KIAA1958: variants seen among roughly 807,000 people sequenced by gnomAD.
KIAA1958 encodes KIAA1958.
In KIAA1958, 14 loss-of-function variants were observed where a neutral mutation model predicts 47.2. The ratio of observed to expected loss-of-function variants is 0.30; its 90% CI spans 0.20 to 0.46. The LOEUF is 0.46. Among genes scored for constraint, KIAA1958 ranks in the 20% least tolerant of loss-of-function variants. The pLI, the probability that KIAA1958 is intolerant of heterozygous loss-of-function variation, is 1.00. For synonymous variants in KIAA1958, 354 were observed against 353.3 expected (o/e 1.00, Z -0.02); for missense variants, 803 against 909.2 (o/e 0.88, Z 1.50).
At chr9:112,628,006 A>G (rs966448376) in intron 2 of KIAA1958, among the ~76,000 whole-genome samples, 4 of 152,306 alleles carry the variant, frequency 2.6e-5, no homozygotes, top group Non-Finnish European at 5.9e-5. Flanking sequence ...TATTGACTCT[A>G]CTACACATTG....
Position 112,620,272 on chromosome 9 carries a change from CA to C in KIAA1958, c.1172-25376del, listed in dbSNP as rs148989296. On this transcript the variant is annotated intron_variant, in intron 2 of 3. Coordinates refer to ENST00000337530, the MANE Select transcript of KIAA1958 (RefSeq NM_133465.4). ...CTAGGTTCCTATTCTGTATAATCAG[CA>C]ACACACAGAAACTCCAAATCTTGAT... Among the ~76,000 whole-genome samples the C allele has an allele frequency of 7.6e-4, 115 of 152,312 alleles. No individual in the cohort carries two copies. The East Asian group carries it at 0.019, about 26-fold the overall frequency.
intron 1 of KIAA1958, among the ~76,000 whole-genome samples, chr9:112,555,846 G>T (rs1322966004): frequency 6.6e-6 from 1 of 152,134 alleles, no homozygotes; most frequent in African/African-American, 2.4e-5. Flanking sequence ...AGGCCAAGGC[G>T]GGCAGATCAC....
At chr9:112,633,803 C>T (rs933964682) in intron 2 of KIAA1958, among the ~76,000 whole-genome samples, 20 of 152,112 alleles carry the variant, frequency 1.3e-4, no homozygotes, top group African/African-American at 4.6e-4. Context: ...TCCAGTAGTC[C>T]ACTCCTTGTC....
chr9:112,640,131 T>C (rs1448886993), intron 2 of KIAA1958, among the ~76,000 whole-genome samples: 1 of 152,228 alleles, frequency 6.6e-6, no homozygotes, highest in Admixed American at 6.5e-5. Flanking sequence ...CTGACCACTG[T>C]GTATGAAAAC....
intron 3 of KIAA1958, among the ~76,000 whole-genome samples, chr9:112,654,012 T>TAAAATA (rs1837107425): frequency 6.6e-6 from 1 of 152,194 alleles, no homozygotes; most frequent in Non-Finnish European, 1.5e-5. Flanking sequence ...GTCACGTGGC[T>TAAAATA]AGCCCAGATT....
intron 2 of KIAA1958, among the ~76,000 whole-genome samples, chr9:112,643,138 A>G (rs550589106): frequency 6.6e-6 from 1 of 152,338 alleles, no homozygotes; most frequent in Admixed American, 6.5e-5. Context: ...TCATAAGCAC[A>G]AGCTAGTATC....
chr9:112,568,116 A>G (rs1301428403), intron 1 of KIAA1958, among the ~76,000 whole-genome samples: 1 of 152,184 alleles, frequency 6.6e-6, no homozygotes, highest in Non-Finnish European at 1.5e-5. Flanking sequence ...TAAAATAGGC[A>G]ATATTAGCAT....
intron 2 of KIAA1958, among the ~76,000 whole-genome samples, chr9:112,616,298 GT>G (rs1836407075): frequency 6.6e-6 from 1 of 152,176 alleles, no homozygotes; most frequent in South Asian, 2.1e-4. Context: ...TAGCTAACTA[GT>G]TTTGTGAATT....
At chr9:112,539,265 T>C (rs1408096554) in intron 1 of KIAA1958, among the ~76,000 whole-genome samples, 1 of 152,186 alleles carries the variant, frequency 6.6e-6, no homozygotes, top group Non-Finnish European at 1.5e-5. Flanking sequence ...AGTAGCATTA[T>C]TGATAACAGA....
At chr9:112,489,810 G>C (rs537589442) in intron 1 of KIAA1958, among the ~76,000 whole-genome samples, 1 of 152,228 alleles carries the variant, frequency 6.6e-6, no homozygotes, top group East Asian at 1.9e-4. Context: ...AAAATCCATG[G>C]ACTTTTCTAG....
intron 1 of KIAA1958, among the ~76,000 whole-genome samples, chr9:112,518,897 G>GT (rs1834487489): frequency 6.6e-6 from 1 of 151,788 alleles, no homozygotes. Context: ...TTATTGACTG[G>GT]TTTTTGGAAC....
chr9:112,611,901 A>C (rs1271132724), intron 2 of KIAA1958, among the ~76,000 whole-genome samples: 1 of 152,100 alleles, frequency 6.6e-6, no homozygotes, highest in African/African-American at 2.4e-5. Context: ...AGTTAATGGA[A>C]TAGAATTAAA....
At chr9:112,505,906 C>A (rs1303433998) in intron 1 of KIAA1958, among the ~76,000 whole-genome samples, 1 of 152,202 alleles carries the variant, frequency 6.6e-6, no homozygotes, top group African/African-American at 2.4e-5. Flanking sequence ...AGCTGACAAA[C>A]AGCAGTGAGG....
At chr9:112,589,697 C>T (rs1216355833) in intron 2 of KIAA1958, among the ~76,000 whole-genome samples, 2 of 152,164 alleles carry the variant, frequency 1.3e-5, no homozygotes, top group African/African-American at 4.8e-5. Context: ...AAAAGTAGGA[C>T]GGAACAAGTT....
chr9:112,521,961 C>CTTTATTTATGTATTTA (rs1554721015), intron 1 of KIAA1958, among the ~76,000 whole-genome samples: 3 of 146,542 alleles, frequency 2.0e-5, no homozygotes, highest in African/African-American at 7.5e-5. Flanking sequence ...TTTTAAATAA[C>CTTTATTTATGTATTTA]TTTATTTATT....
At chr9:112,606,780 A>G (rs923236580) in intron 2 of KIAA1958, among the ~76,000 whole-genome samples, 1 of 152,198 alleles carries the variant, frequency 6.6e-6, no homozygotes, top group Non-Finnish European at 1.5e-5. Flanking sequence ...ATCAGAAAGC[A>G]TTGTGATTAG....
chr9:112,488,345 T>C (rs907816636), intron 1 of KIAA1958, among the ~76,000 whole-genome samples: 2 of 152,218 alleles, frequency 1.3e-5, no homozygotes, highest in Non-Finnish European at 2.9e-5. Flanking sequence ...ATTGTCTTAT[T>C]TGATTAGCTA....
chr9:112,646,228 T>C (rs918542303), intron 3 of KIAA1958, among the ~76,000 whole-genome samples: 6 of 152,176 alleles, frequency 3.9e-5, no homozygotes, highest in African/African-American at 1.4e-4. Context: ...TATCTTGGTA[T>C]CATGGACAAT....
chr9:112,593,296 C>T (rs928386328), intron 2 of KIAA1958, among the ~76,000 whole-genome samples: 1 of 152,150 alleles, frequency 6.6e-6, no homozygotes, highest in African/African-American at 2.4e-5. Flanking sequence ...ACATCAGTAA[C>T]CCCCTTGAAT....
Sources: gnomAD v4.1 joint callset for allele counts (sites outside exome capture counted in the v4.1 genomes callset) on GRCh38, gnomAD v4.1.1 for gene constraint, MANE v1.5 for transcripts, NCBI Gene and HGNC (gene_info 2026-07-23, HGNC 2026-07-21) for gene names.